MYO3A: variants seen among roughly 807,000 people sequenced by gnomAD.
MYO3A encodes the protein myosin IIIA.
MYO3A carries 180 observed loss-of-function variants against 192.7 expected under a neutral mutation model. That is an observed-to-expected ratio of 0.93 (90% CI 0.83 to 1.06). The LOEUF (loss-of-function observed/expected upper bound fraction) is 1.06. Ranked by LOEUF, MYO3A falls within the 50% of genes least tolerant of loss-of-function variation. The probability of loss-of-function intolerance (pLI) is 0.00; values close to 1 mark genes in which losing one functional copy is unlikely to be tolerated. For missense variants in MYO3A, 1,896 were observed against 1,905.0 expected, an observed-to-expected ratio of 1.00 and a Z score of 0.09; for synonymous variants, 628 against 645.3, an observed-to-expected ratio of 0.97 and a Z score of 0.41.
chr10:25,982,919 C>T (rs148134955), intron 4 of MYO3A, among the ~76,000 whole-genome samples: 251 of 152,068 alleles, frequency 1.7e-3, no homozygotes, highest in African/African-American at 5.8e-3. Flanking sequence ...TACCAGCACA[C>T]GAGCAATGAA....
intron 4 of MYO3A, among the ~76,000 whole-genome samples, chr10:25,991,451 C>T (rs1163323902): frequency 2.0e-5 from 3 of 152,142 alleles, no homozygotes; most frequent in Admixed American, 6.5e-5. Context: ...AATTTTCTCC[C>T]ATTCTGTAGG....
At chr10:26,032,020 T>C (rs934085994) in intron 10 of MYO3A, among the ~76,000 whole-genome samples, 2 of 152,232 alleles carry the variant, frequency 1.3e-5, no homozygotes, top group African/African-American at 4.8e-5. Context: ...TTATATACAA[T>C]GCAAAATAAC....
chr10:26,177,821 G>GA (rs1327320825), intron 31 of MYO3A, among the ~76,000 whole-genome samples: 6 of 152,162 alleles, frequency 3.9e-5, no homozygotes, highest in Admixed American at 3.9e-4. Context: ...TTTCTTCCCT[G>GA]AAAAAATCTC....
chr10:26,174,676 C>A, intron 30 of MYO3A, 119 bp downstream of exon 30: 1 of 835,840 alleles, frequency 1.2e-6, no homozygotes, highest in Non-Finnish European at 1.9e-6. Flanking sequence ...GGCCCGCAAA[C>A]ATTTTTAATA....
chr10:25,992,010 T>G (rs1206621319), intron 4 of MYO3A, among the ~76,000 whole-genome samples: 1 of 152,166 alleles, frequency 6.6e-6, no homozygotes, highest in Admixed American at 6.5e-5. Context: ...CTTTTTTGGT[T>G]CCATATGAAC....
intron 20 of MYO3A, among the ~76,000 whole-genome samples, chr10:26,136,102 C>G (rs79841421): frequency 0.01 from 1,591 of 152,210 alleles, 26 homozygotes; most frequent in African/African-American, 0.037. Flanking sequence ...ATATCACATC[C>G]TCTCCAGTGA....
At chr10:26,042,024 T>TA (rs898439530) in intron 10 of MYO3A, among the ~76,000 whole-genome samples, 57 of 146,660 alleles carry the variant, frequency 3.9e-4, no homozygotes, top group African/African-American at 1.2e-3. Flanking sequence ...ATAAAATCCC[T>TA]AATTTTGTTT....
intron 17 of MYO3A, among the ~76,000 whole-genome samples, chr10:26,114,640 TAAAAC>T (rs763896892): frequency 1.3e-5 from 2 of 152,174 alleles, no homozygotes; most frequent in African/African-American, 2.4e-5. Context: ...TTAAGAGACA[TAAAAC>T]AAATAAGAAA....
At chr10:26,107,629 T>C (rs1448789038) in intron 17 of MYO3A, among the ~76,000 whole-genome samples, 4 of 152,182 alleles carry the variant, frequency 2.6e-5, no homozygotes, top group Admixed American at 6.5e-5. Flanking sequence ...TATTTGTATT[T>C]TGCTAAGAAA....
At chr10:26,024,692 C>T (rs1216771112) in intron 9 of MYO3A, among the ~76,000 whole-genome samples, 1 of 152,168 alleles carries the variant, frequency 6.6e-6, no homozygotes, top group African/African-American at 2.4e-5. Context: ...ATTTGCTTGT[C>T]TGAAAAGGAT....
chr10:26,065,605 A>AAAAAAACAT (rs1554817238), intron 10 of MYO3A, among the ~76,000 whole-genome samples: 3,710 of 118,692 alleles, frequency 0.031, 356 homozygotes, highest in Non-Finnish European at 0.051. Context: ...AAAAAAAAAA[A>AAAAAAACAT]AAAAAAAAGT....
chr10:26,051,857 G>A (rs929939800), intron 10 of MYO3A, among the ~76,000 whole-genome samples: 1 of 152,036 alleles, frequency 6.6e-6, no homozygotes, highest in Non-Finnish European at 1.5e-5. Flanking sequence ...TGACAGGGTT[G>A]AGTATTTGTA....
At chr10:26,078,770 C>T (rs773338724) in intron 14 of MYO3A, among the ~76,000 whole-genome samples, 1 of 152,034 alleles carries the variant, frequency 6.6e-6, no homozygotes, top group Non-Finnish European at 1.5e-5. Context: ...TGACTCAATG[C>T]TCATTCAGGA....
At chr10:26,094,500 T>C (rs964266610) in intron 15 of MYO3A, among the ~76,000 whole-genome samples, 28 of 146,630 alleles carry the variant, frequency 1.9e-4, no homozygotes, top group Non-Finnish European at 3.4e-4. Context: ...TTTCGGCTCA[T>C]TGCAAGCTCT....
chr10:26,185,328 T>C (rs1217825078), intron 31 of MYO3A, among the ~76,000 whole-genome samples: 1 of 135,082 alleles, frequency 7.4e-6, no homozygotes, highest in Non-Finnish European at 1.6e-5. Context: ...ATTCCAGGAT[T>C]CTTTTTTTTT....
chr10:26,191,934 T>G (rs1277598110), intron 31 of MYO3A, among the ~76,000 whole-genome samples: 1 of 152,220 alleles, frequency 6.6e-6, no homozygotes, highest in East Asian at 1.9e-4. Flanking sequence ...GAGCTATTAC[T>G]GCTTTTAAAG....
chr10:26,193,975 T>G (rs1255948254), intron 32 of MYO3A, among the ~76,000 whole-genome samples: 1 of 152,166 alleles, frequency 6.6e-6, no homozygotes, highest in African/African-American at 2.4e-5. Context: ...TAAATGCCAC[T>G]GTCATCCACA....
intron 17 of MYO3A, among the ~76,000 whole-genome samples, chr10:26,115,392 T>C (rs1404534368): frequency 6.6e-6 from 1 of 152,196 alleles, no homozygotes; most frequent in Non-Finnish European, 1.5e-5. Flanking sequence ...TTGTTTTTAA[T>C]ATCCAAAGAA....
chr10:26,121,939 G>T (rs1564570070), intron 18 of MYO3A, among the ~76,000 whole-genome samples: 1 of 152,208 alleles, frequency 6.6e-6, no homozygotes, highest in Non-Finnish European at 1.5e-5. Flanking sequence ...GAGCCAATGT[G>T]ATAATACAGT....
Sources: allele counts gnomAD v4.1 joint callset (sites outside exome capture counted in the v4.1 genomes callset), GRCh38; gene constraint gnomAD v4.1.1; transcripts MANE v1.5; gene names NCBI Gene and HGNC (gene_info 2026-07-23, HGNC 2026-07-21).